The following S100A14 variants were observed in gnomAD, a reference collection of about 807,000 sequenced individuals.
S100A14 encodes the protein S100 calcium binding protein A14.
Under a neutral mutation model 10.6 loss-of-function variants are expected in S100A14, and 6 were observed. The observed-to-expected ratio is 0.57, with a 90% CI of 0.31 to 1.12. S100A14 has a LOEUF of 1.12. S100A14 is among the 50% of genes most tolerant of loss of function. S100A14 has a pLI of 0.06. For synonymous variants in S100A14, 51 were observed against 51.0 expected, an observed-to-expected ratio of 1.00 and a Z score of 0.00; for missense variants, 121 against 128.7, an observed-to-expected ratio of 0.94 and a Z score of 0.29.
At position 153,615,322 on chromosome 1, in the gene S100A14, G is replaced by A. The variant is rs1666938814; in HGVS notation, c.90C>T (p.His30=). 6.2e-7 allele frequency: 1 copy of A among 1,613,350 alleles called. No individual in the cohort carries two copies. The highest frequency in any genetic ancestry group is 1.3e-5 in the African/African-American group (1 of 74,892). The change falls in exon 3 of 4, where the codon CAC becomes CAT. Residue 30 remains histidine, a synonymous_variant. Transcript: ENST00000344616. ...RAIETLIKNF[H]QYSVEGGKET... ...CCTTCCCACCCTCCACGGAGTACTG[G>A]TGAAAGTTCTTGATGAGGGTCTCAA...
At chr1:153,615,752 G>T (rs1038508113) in intron 2 of S100A14, 77 bp downstream of exon 2, 13 of 1,497,124 alleles carry the variant, frequency 8.7e-6, no homozygotes, top group Non-Finnish European at 1.2e-5. Flanking sequence ...AAGGGCAGAA[G>T]TCAGTGGGGG....
chr1:153,614,962 CCA>C lies in S100A14; in HGVS notation c.236_237del (p.Leu79ArgfsTer133). ...ANLGSCNDSK[L>X]EFRSFWELIG... is the part of the protein sequence containing the mutation. ...ATCAGCTCCCAGAAACTCCTGAACT[CCA>C]GTTTAGAGTCATTGCAGCTGCCCAG... On this transcript the variant is annotated frameshift_variant, in exon 4 of 4. Transcript: ENST00000344616. LOFTEE classifies it high-confidence loss of function. The C allele has an allele frequency of 6.2e-7, 1 of 1,614,030 alleles. No homozygotes were observed. The highest frequency in any genetic ancestry group is 2.2e-5 in the East Asian group (1 of 44,886).
In S100A14 at chr1:153,614,853, C is replaced by A. The variant is rs1268753881; in HGVS notation, c.*32G>T. On this transcript the variant is annotated 3_prime_UTR_variant, in exon 4 of 4. Coordinates refer to ENST00000344616, the MANE Select transcript of S100A14 (RefSeq NM_020672.3). ...TTATCTCCAGGCCCACAGTCTCTCC[C>A]CAACACCCCCCAAGAATTCCAGAGG... 1 of 1,608,432 alleles carries A rather than the reference C, an allele frequency of 6.2e-7. No individual in the cohort carries two copies. The highest frequency in any genetic ancestry group is 2.2e-5 in the East Asian group (1 of 44,876).
rs891845849 is a variant in S100A14 at position 153,615,468 on chromosome 1, G to A, written c.31-87C>T. On this transcript the variant is annotated intron_variant, in intron 2 of 3. Transcript: ENST00000344616. Reference sequence around the variant, plus strand: ...CCAGGAGCCTAGCAAAGCCCCCAGGGCAGAAGGCAGCTGGAAGGCACACAG... The same window carrying A: ...CCAGGAGCCTAGCAAAGCCCCCAGGACAGAAGGCAGCTGGAAGGCACACAG... 14 of 1,474,342 alleles carry A rather than the reference G, an allele frequency of 9.5e-6. No homozygotes were observed. The African/African-American group carries it at 1.5e-4, about 16-fold the overall frequency. 91.3% of individuals were successfully genotyped at this position (1,474,342 alleles called of 1,614,324 possible).
At position 153,615,226 on chromosome 1, in the gene S100A14, C is replaced by G. The variant is rs41265178; in HGVS notation, c.177+9G>C. On this transcript the variant is annotated intron_variant, in intron 3 of 3. Transcript: ENST00000344616. ...GTACTGGCTGAGGTGGGGTGTGCTC[C>G]GTCCATACCGGCATGAGATGGGGCA... 1 of 1,613,128 alleles carries G rather than the reference C, an allele frequency of 6.2e-7. No individual in the cohort carries two copies. Among genetic ancestry groups the G allele is most frequent in the South Asian group, 1.1e-5 (1 of 91,018 alleles).
At position 153,614,959 on chromosome 1, in the gene S100A14, A is replaced by C. The variant is rs747302992; in HGVS notation, c.241T>G (p.Phe81Val). The change falls in exon 4 of 4, where the codon TTC becomes GTC. Residue 81 changes from phenylalanine to valine, a missense_variant. Phe to Val is a conservative substitution (Grantham distance 50, BLOSUM62 -1). Coordinates refer to ENST00000344616, the MANE Select transcript of S100A14 (RefSeq NM_020672.3). ...LGSCNDSKLEFRSFWELIGEA... is the reference protein window; with the variant it reads ...LGSCNDSKLEVRSFWELIGEA... Reference sequence around the variant, plus strand: ...CCAATCAGCTCCCAGAAACTCCTGAACTCCAGTTTAGAGTCATTGCAGCTG... The same window carrying C: ...CCAATCAGCTCCCAGAAACTCCTGACCTCCAGTTTAGAGTCATTGCAGCTG... The C allele has an allele frequency of 6.2e-7, 1 of 1,613,710 alleles. No individual in the cohort carries two copies. The highest frequency in any genetic ancestry group is 1.1e-5 in the South Asian group (1 of 91,050).
intron 3 of S100A14, 94 bp downstream of exon 3, chr1:153,615,141 G>C (rs1055469590): frequency 6.3e-7 from 1 of 1,585,610 alleles, no homozygotes; most frequent in African/African-American, 1.3e-5. Flanking sequence ...AGGGGGAAGA[G>C]CTGGGGGTTG....
rs142851889 is a variant in S100A14, at chr1:153,615,312, C to T, written c.100G>A (p.Val34Met). The change falls in exon 3 of 4, where the codon GTG (valine) becomes ATG (methionine). Residue 34 changes from valine to methionine, a missense_variant. Val to Met is a conservative substitution (Grantham distance 21). Coordinates refer to ENST00000344616, the MANE Select transcript of S100A14 (RefSeq NM_020672.3). ...GTCAGCGTCTCCTTCCCACCCTCCA[C>T]GGAGTACTGGTGAAAGTTCTTGATG... is the stretch of plus-strand genomic sequence containing the variant. ...TLIKNFHQYSVEGGKETLTPS... is the reference protein window; with the variant it reads ...TLIKNFHQYSMEGGKETLTPS... 2.1e-5 allele frequency: 34 copies of T among 1,613,878 alleles called. No homozygotes were observed. The African/African-American group carries it at 2.3e-4, about 11-fold the overall frequency.
rs753380297 is a variant in S100A14 at position 153,615,035 on chromosome 1, A to T, written c.178-13T>A. The T allele has an allele frequency of 3.7e-6, 6 of 1,612,980 alleles. No homozygotes were observed. The Admixed American group carries it at 1.0e-4, about 27-fold the overall frequency. On this transcript the variant is annotated splice_polypyrimidine_tract_variant and intron_variant, in intron 3 of 3. Coordinates refer to ENST00000344616, the MANE Select transcript of S100A14 (RefSeq NM_020672.3). The stretch of plus-strand genomic sequence containing the variant: ...GGCCACAGTTGCTCTGAGGGGAGTG[A>T]AGAAACCATGGCTCAGGGATGCAGC...
Position 153,615,971 on chromosome 1 carries a change from G to C in S100A14, c.-78-35C>G, listed in dbSNP as rs1186165501. ...GGAGGGGGTAGGCCTGAGCTGAGGA[G>C]AGAGTCTAGCATTTCTTTCTCAGCT... On this transcript the variant is annotated intron_variant, in intron 1 of 3. Transcript: ENST00000344616. The C allele has an allele frequency of 4.8e-5, 49 of 1,015,990 alleles. No individual in the cohort carries two copies. The East Asian group carries it at 1.2e-3, about 25-fold the overall frequency. 62.9% of individuals were successfully genotyped at this position (1,015,990 alleles called of 1,614,324 possible).
chr1:153,616,118 C>A, intron 1 of S100A14, 177 bp downstream of exon 1: 1 of 450,912 alleles, frequency 2.2e-6, no homozygotes, highest in Non-Finnish European at 4.1e-6. Flanking sequence ...GCCAACGCAT[C>A]TAGGGGGAAT....
intron 2 of S100A14, 60 bp downstream of exon 2, chr1:153,615,769 G>A: frequency 6.4e-7 from 1 of 1,574,238 alleles, no homozygotes; most frequent in East Asian, 2.2e-5. Context: ...GGGGGACATA[G>A]ACCCTCAGGG....
At chr1:153,615,519 T>C in intron 2 of S100A14, 138 bp from the exon 3 acceptor site, 8 of 1,018,790 alleles carry the variant, frequency 7.9e-6, no homozygotes, top group Non-Finnish European at 1.1e-5. Flanking sequence ...GAGCCCAGAA[T>C]CTAGCCCCTC....
In S100A14 at chr1:153,615,854, C is replaced by A. The variant is rs778971688; in HGVS notation, c.5G>T (p.Gly2Val). The stretch of plus-strand genomic sequence containing the variant: ...CTCTGCGTTGGCTGACCGACACTGT[C>A]CCATGGTGCCCACTGTGTCTGGTCC... MGQCRSANAEDA... is the reference protein window; with the variant it reads MVQCRSANAEDA... The change falls in exon 2 of 4, where the codon GGA (glycine) becomes GTA (valine). Residue 2 changes from glycine (G) to valine (V), a missense_variant. By Grantham distance (109) the Gly-to-Val change is moderately radical (BLOSUM62 -3). Coordinates refer to ENST00000344616, the MANE Select transcript of S100A14 (RefSeq NM_020672.3). 3.3e-5 allele frequency: 53 copies of A among 1,613,984 alleles called. 1 individual carries two copies. In the South Asian group the frequency reaches 5.5e-4, roughly 17 times the overall value.
rs1232770516 is a variant in S100A14, at chr1:153,615,301, C to T, written c.111G>A (p.Gly37=). The part of the protein sequence containing the change: ...KNFHQYSVEG[G]KETLTPSELR... ...GCTCAGAAGGGGTCAGCGTCTCCTTCCCACCCTCCACGGAGTACTGGTGAA... is the reference window on the plus strand; with the variant it reads ...GCTCAGAAGGGGTCAGCGTCTCCTTTCCACCCTCCACGGAGTACTGGTGAA... The change falls in exon 3 of 4, where the codon GGG becomes GGA. Residue 37 remains glycine (G), a synonymous_variant. Transcript: ENST00000344616. 1.2e-6 allele frequency: 2 copies of T among 1,613,864 alleles called. No homozygotes were observed. Among genetic ancestry groups the T allele is most frequent in the Non-Finnish European group, 1.7e-6 (2 of 1,179,994 alleles).
rs973578519 is a variant in S100A14, at chr1:153,614,951, A to G, written c.249T>C (p.Ser83=). The G allele has an allele frequency of 6.2e-7, 1 of 1,613,618 alleles. No individual in the cohort carries two copies. Residue 83 remains serine (S), a synonymous_variant, in exon 4 of 4, where the codon AGT becomes AGC. Coordinates refer to ENST00000344616, the MANE Select transcript of S100A14 (RefSeq NM_020672.3). ...SCNDSKLEFR[S]FWELIGEAAK... ...CCGCTTCTCCAATCAGCTCCCAGAA[A>G]CTCCTGAACTCCAGTTTAGAGTCAT...
Position 153,614,612 on chromosome 1 carries a change from C to G in S100A14, c.*273G>C. Reference sequence around the variant, plus strand: ...GCTCCTCTCTGTTCTCCCCCTACTACCAATTCTTTGGCTCTTACACAATTT... The same window carrying G: ...GCTCCTCTCTGTTCTCCCCCTACTAGCAATTCTTTGGCTCTTACACAATTT... On this transcript the variant is annotated 3_prime_UTR_variant, in exon 4 of 4. Transcript: ENST00000344616. The G allele has an allele frequency of 2.6e-6, 1 of 381,914 alleles. No individual in the cohort carries two copies. 23.7% of individuals were successfully genotyped at this position (381,914 alleles called of 1,614,324 possible). A position where few individuals can be genotyped will look rare whatever the true frequency, so the allele number is the denominator to read the frequency against.
Position 153,614,797 on chromosome 1 carries a change from G to A in S100A14, c.*88C>T. The A allele has an allele frequency of 2.0e-6, 3 of 1,471,530 alleles. No homozygotes were observed. The highest frequency in any genetic ancestry group is 1.3e-5 in the South Asian group (1 of 76,958). The allele number at this position is 1,471,530 out of a possible 1,614,324, so 91.2% of individuals were successfully genotyped here. On this transcript the variant is annotated 3_prime_UTR_variant, in exon 4 of 4. Transcript: ENST00000344616. ...CAGAGATGAGGACAGGTGCAGGCTA[G>A]GGTACAGGGTGGTGGTAGAGGAGAC...
rs1354044442 is a variant in S100A14, at chr1:153,614,692, T to C, written c.*193A>G. 2.3e-5 allele frequency: 14 copies of C among 604,638 alleles called. No homozygotes were observed. The highest frequency in any genetic ancestry group is 3.4e-5 in the Admixed American group (1 of 29,230). The allele number at this position is 604,638 out of a possible 1,614,324, so 37.5% of individuals were successfully genotyped here. A position where few individuals can be genotyped will look rare whatever the true frequency, so the allele number is the denominator to read the frequency against. On this transcript the variant is annotated 3_prime_UTR_variant, in exon 4 of 4. Transcript: ENST00000344616. ...ACCAGTCCCCTGAGCCTCCCTCTGG[T>C]GGAGACTCCTCCACCCATGAGCTCC...
Sources: gnomAD v4.1 joint callset for allele counts on GRCh38, gnomAD v4.1.1 for gene constraint, MANE v1.5 for transcripts, NCBI Gene and HGNC (gene_info 2026-07-23, HGNC 2026-07-21) for gene names.